The following CHRM3 variants were observed in gnomAD, a reference collection of about 807,000 sequenced individuals.
CHRM3 encodes the protein muscarinic acetylcholine receptor M3.
Under a neutral mutation model 41.8 loss-of-function variants are expected in CHRM3, and 11 were observed. The ratio of observed to expected loss-of-function variants is 0.26; its 90% confidence interval spans 0.17 to 0.44. The LOEUF (loss-of-function observed/expected upper bound fraction) is 0.44, where lower values mean the gene tolerates loss of function less well. Among genes scored for constraint, CHRM3 ranks in the 20% least tolerant of loss-of-function variants. The pLI is 1.00. For synonymous variants in CHRM3, 297 were observed against 301.4 expected (o/e 0.99, Z 0.15); for missense variants, 571 against 745.4 (o/e 0.77, Z 2.72).
At chr1:239,585,924 A>G (rs1420463780) in intron 3 of CHRM3, among the ~76,000 whole-genome samples, 1 of 152,226 alleles carries the variant, frequency 6.6e-6, no homozygotes, top group Non-Finnish European at 1.5e-5. Context: ...AGTTTTATTT[A>G]TCATTCCCAT....
chr1:239,860,704 C>T (rs1675565002), intron 6 of CHRM3, among the ~76,000 whole-genome samples: 1 of 152,104 alleles, frequency 6.6e-6, no homozygotes, highest in Non-Finnish European at 1.5e-5. Context: ...AAATTTTCCC[C>T]TTGTGGTGTC....
At chr1:239,684,898 TA>T (rs1422271488) in intron 5 of CHRM3, among the ~76,000 whole-genome samples, 2 of 151,786 alleles carry the variant, frequency 1.3e-5, no homozygotes, top group South Asian at 2.1e-4. Context: ...AAGATAAGAA[TA>T]GGGGGTGTTT....
chr1:239,761,521 G>T (rs766298653), intron 5 of CHRM3, among the ~76,000 whole-genome samples: 4 of 152,118 alleles, frequency 2.6e-5, no homozygotes, highest in African/African-American at 4.8e-5. Context: ...ATGTTTTATC[G>T]TTGTTTGGGG....
intron 4 of CHRM3, among the ~76,000 whole-genome samples, chr1:239,657,986 TA>T (rs1307962775): frequency 1.3e-5 from 2 of 152,324 alleles, no homozygotes; most frequent in East Asian, 3.9e-4. Flanking sequence ...AACAATGGAA[TA>T]TACTTTTGGG....
chr1:239,460,652 A>T (rs898815314), intron 1 of CHRM3, among the ~76,000 whole-genome samples: 1 of 152,210 alleles, frequency 6.6e-6, no homozygotes, highest in African/African-American at 2.4e-5. Flanking sequence ...TCAAAATGAC[A>T]TAAAGTACAA....
chr1:239,668,089 CTTTTTTTTTTTTTTTT>C, intron 4 of CHRM3, among the ~76,000 whole-genome samples: 1 of 75,598 alleles, frequency 1.3e-5, no homozygotes, highest in Non-Finnish European at 2.6e-5. Flanking sequence ...TTTCCCCTTT[CTTTTTTTTTTTTTTTT>C]TTTTTTTTTT....
At chr1:239,860,917 T>C (rs1005690192) in intron 6 of CHRM3, among the ~76,000 whole-genome samples, 26 of 152,204 alleles carry the variant, frequency 1.7e-4, no homozygotes, top group African/African-American at 5.8e-4. Flanking sequence ...GTAGTCATTA[T>C]ATCTATTTTT....
intron 3 of CHRM3, among the ~76,000 whole-genome samples, chr1:239,549,778 A>G (rs1659642123): frequency 1.3e-5 from 2 of 152,036 alleles, no homozygotes; most frequent in South Asian, 4.1e-4. Context: ...CATTTCATTC[A>G]GTACCACAGG....
chr1:239,904,192 T>G (rs1051272156), intron 6 of CHRM3, among the ~76,000 whole-genome samples: 1 of 152,128 alleles, frequency 6.6e-6, no homozygotes, highest in Non-Finnish European at 1.5e-5. Context: ...TTCAGGAATC[T>G]CAGGAGTGAA....
At chr1:239,727,795 TG>T (rs2148396444) in intron 5 of CHRM3, 1 of 152,066 alleles carries the variant, frequency 6.6e-6, no homozygotes, top group South Asian at 2.1e-4. Flanking sequence ...ACCCCACATC[TG>T]TTTAGCTGGT....
intron 1 of CHRM3, among the ~76,000 whole-genome samples, chr1:239,484,103 G>A (rs1182051208): frequency 1.3e-5 from 2 of 152,134 alleles, no homozygotes; most frequent in South Asian, 2.1e-4. Flanking sequence ...TCTTTCTTGT[G>A]TTTCTATAAT....
chr1:239,873,748 C>G (rs1316627683), intron 6 of CHRM3, among the ~76,000 whole-genome samples: 1 of 152,162 alleles, frequency 6.6e-6, no homozygotes, highest in Non-Finnish European at 1.5e-5. Context: ...TCTCATGGTT[C>G]CCCCTGCAGG....
intron 5 of CHRM3, among the ~76,000 whole-genome samples, chr1:239,775,556 C>T (rs1315391494): frequency 3.3e-5 from 5 of 152,180 alleles, no homozygotes; most frequent in African/African-American, 1.2e-4. Context: ...ATCTCAGTGC[C>T]AAGTAGCAGT....
chr1:239,690,199 G>A (rs1350431479), intron 5 of CHRM3, among the ~76,000 whole-genome samples: 1 of 152,016 alleles, frequency 6.6e-6, no homozygotes, highest in Non-Finnish European at 1.5e-5. Context: ...CAAGTTTTTG[G>A]AGATATAATA....
chr1:239,422,324 C>A (rs775757278), intron 1 of CHRM3, among the ~76,000 whole-genome samples: 3 of 152,036 alleles, frequency 2.0e-5, no homozygotes, highest in Non-Finnish European at 4.4e-5. Context: ...AGTAGCTTAC[C>A]TAGTTTATAT....
intron 1 of CHRM3, among the ~76,000 whole-genome samples, chr1:239,415,312 T>C (rs1236761347): frequency 2.6e-5 from 4 of 152,088 alleles, no homozygotes; most frequent in Non-Finnish European, 4.4e-5. Flanking sequence ...TGGTGGCACG[T>C]GCCTGTAATC....
intron 4 of CHRM3, among the ~76,000 whole-genome samples, chr1:239,664,214 G>C (rs1033920748): frequency 1.3e-5 from 2 of 152,180 alleles, no homozygotes; most frequent in Non-Finnish European, 2.9e-5. Flanking sequence ...AGCATAAAGC[G>C]TTATCTTCAC....
chr1:239,888,914 C>A (rs890697020), intron 6 of CHRM3, among the ~76,000 whole-genome samples: 1 of 152,136 alleles, frequency 6.6e-6, no homozygotes. Context: ...CCAAGCTAAG[C>A]CAGCAACGGA....
At chr1:239,825,212 T>C (rs1482218239) in intron 5 of CHRM3, among the ~76,000 whole-genome samples, 2 of 152,204 alleles carry the variant, frequency 1.3e-5, no homozygotes, top group African/African-American at 4.8e-5. Context: ...GTATTTTATA[T>C]CAATTCACTA....
Sources: gnomAD v4.1 joint callset for allele counts (sites outside exome capture counted in the v4.1 genomes callset) on GRCh38, gnomAD v4.1.1 for gene constraint, MANE v1.5 for transcripts, NCBI Gene and HGNC (gene_info 2026-07-23, HGNC 2026-07-21) for gene names.